The following B3GLCT variants were observed in gnomAD, a reference collection of about 807,000 sequenced individuals.
The protein encoded by B3GLCT is beta-1,3-glucosyltransferase.
B3GLCT carries 65 observed loss-of-function variants against 63.4 expected under a neutral mutation model. The observed-to-expected ratio is 1.03, with a 90% CI of 0.84 to 1.26. The LOEUF is 1.26. Ranked by LOEUF, B3GLCT falls within the 50% of genes most tolerant of loss-of-function variation. The pLI, the probability that B3GLCT is intolerant of heterozygous loss-of-function variation, is 0.00. For synonymous variants in B3GLCT, 233 were observed against 219.2 expected, an observed-to-expected ratio of 1.06 and a Z score of -0.55; for missense variants, 577 against 604.8, an observed-to-expected ratio of 0.95 and a Z score of 0.48.
intron 4 of B3GLCT, among the ~76,000 whole-genome samples, chr13:31,235,849 C>T (rs976275609): frequency 3.2e-4 from 49 of 152,260 alleles, no homozygotes; most frequent in African/African-American, 1.2e-3. Context: ...CCCTGGCTAC[C>T]ACCATTCTAC....
Position 31,288,881 on chromosome 13 carries a change from G to C in B3GLCT, c.1064+2062G>C, listed in dbSNP as rs531975786. On this transcript the variant is annotated intron_variant, in intron 12 of 14. Coordinates refer to ENST00000343307, the MANE Select transcript of B3GLCT (RefSeq NM_194318.4). The stretch of plus-strand genomic sequence containing the variant: ...GTAAAGGACCACAACAATTTTCTGG[G>C]AACAGATCCCAATCAGTAAGAATTC... Among the ~76,000 whole-genome samples, 6 of 152,064 alleles carry C rather than the reference G, an allele frequency of 3.9e-5. No homozygotes were observed. The South Asian group carries it at 1.2e-3, about 32-fold the overall frequency.
At chr13:31,302,169 G>A (rs796139762) in intron 12 of B3GLCT, among the ~76,000 whole-genome samples, 14 of 152,276 alleles carry the variant, frequency 9.2e-5, no homozygotes, top group African/African-American at 3.1e-4. Context: ...ATTTGATAAG[G>A]CTTCTGGAAC....
At chr13:31,290,759 A>G (rs986108246) in intron 12 of B3GLCT, among the ~76,000 whole-genome samples, 21 of 152,308 alleles carry the variant, frequency 1.4e-4, no homozygotes, top group African/African-American at 5.1e-4. Flanking sequence ...TCTGGATATT[A>G]GCTCTTTGTC....
intron 4 of B3GLCT, among the ~76,000 whole-genome samples, chr13:31,235,466 G>A (rs558767099): frequency 4.6e-5 from 7 of 152,166 alleles, no homozygotes; most frequent in East Asian, 1.9e-4. Context: ...AGGGCCATAC[G>A]AAGGGATACA....
At chr13:31,274,393 G>A (rs764585698) in intron 8 of B3GLCT, 116 bp from the exon 9 acceptor site, 58 of 1,355,296 alleles carry the variant, frequency 4.3e-5, no homozygotes, top group Non-Finnish European at 5.8e-5. Flanking sequence ...AATTGATATG[G>A]TTCAGCCTAC....
chr13:31,267,217 T>C lies in B3GLCT; in HGVS notation c.597-1997T>C, dbSNP rs17075732. Among the ~76,000 whole-genome samples the C allele has an allele frequency of 4.4e-3, 665 of 152,388 alleles. 4 individuals carry two copies. The highest frequency in any genetic ancestry group is 0.015 in the African/African-American group (632 of 41,598). ...GTACTAAGGTGTTTACTGACTGTTA[T>C]GAAGGGGCCTATGAAACATTGCCAT... On this transcript the variant is annotated intron_variant, in intron 7 of 14. Transcript: ENST00000343307.
chr13:31,323,680 G>C, intron 13 of B3GLCT, 71 bp from the exon 14 acceptor site: 1 of 1,572,376 alleles, frequency 6.4e-7, no homozygotes. Flanking sequence ...CCTGTTTCCC[G>C]GGGCCCATTT....
chr13:31,228,396 T>C (rs960312912), intron 3 of B3GLCT, among the ~76,000 whole-genome samples: 10 of 152,218 alleles, frequency 6.6e-5, no homozygotes, highest in Non-Finnish European at 1.5e-4. Flanking sequence ...GAGCTAGGAC[T>C]ACATAACAAA....
chr13:31,257,363 A>G (rs1871794218), intron 6 of B3GLCT, among the ~76,000 whole-genome samples: 2 of 152,032 alleles, frequency 1.3e-5, no homozygotes, highest in Non-Finnish European at 2.9e-5. Flanking sequence ...GAGCTTTATT[A>G]TAGATTTTTT....
intron 1 of B3GLCT, among the ~76,000 whole-genome samples, chr13:31,205,402 C>CA (rs1241511515): frequency 1.3e-5 from 2 of 151,578 alleles, no homozygotes; most frequent in African/African-American, 2.4e-5. Context: ...ACTAAAAATA[C>CA]AAAAAAATTA....
At chr13:31,215,796 C>T (rs569352917) in intron 2 of B3GLCT, among the ~76,000 whole-genome samples, 2 of 152,206 alleles carry the variant, frequency 1.3e-5, no homozygotes, top group African/African-American at 4.8e-5. Flanking sequence ...GTCACAGAAA[C>T]CTGATTAGTC....
chr13:31,257,784 A>G (rs552107309), intron 6 of B3GLCT, among the ~76,000 whole-genome samples: 1 of 152,294 alleles, frequency 6.6e-6, no homozygotes, highest in South Asian at 2.1e-4. Context: ...TTCATATTGT[A>G]TGCTCTAGTT....
intron 10 of B3GLCT, among the ~76,000 whole-genome samples, chr13:31,277,127 A>G (rs1457429294): frequency 1.3e-5 from 2 of 152,218 alleles, no homozygotes; most frequent in East Asian, 3.8e-4. Flanking sequence ...GGGATGAAGA[A>G]TGTCAGGGGA....
At chr13:31,290,097 T>A (rs1428717484) in intron 12 of B3GLCT, among the ~76,000 whole-genome samples, 4 of 152,198 alleles carry the variant, frequency 2.6e-5, no homozygotes, top group African/African-American at 4.8e-5. Flanking sequence ...AACTCCCACT[T>A]ATGACTGAGA....
At chr13:31,318,281 T>C (rs1253878310) in intron 13 of B3GLCT, among the ~76,000 whole-genome samples, 2 of 152,200 alleles carry the variant, frequency 1.3e-5, no homozygotes, top group African/African-American at 4.8e-5. Context: ...CAAAATCTTA[T>C]CAACGGTAGT....
At chr13:31,254,894 G>A (rs2137819672) in intron 6 of B3GLCT, among the ~76,000 whole-genome samples, 1 of 152,126 alleles carries the variant, frequency 6.6e-6, no homozygotes, top group African/African-American at 2.4e-5. Flanking sequence ...AAAATTAGCT[G>A]GGCATAGTGG....
At chr13:31,267,703 T>G (rs1370362514) in intron 7 of B3GLCT, among the ~76,000 whole-genome samples, 1 of 152,214 alleles carries the variant, frequency 6.6e-6, no homozygotes, top group Non-Finnish European at 1.5e-5. Flanking sequence ...ACATTTATCC[T>G]GTGTCTGCTT....
chr13:31,271,721 C>T (rs1872580768), intron 8 of B3GLCT, among the ~76,000 whole-genome samples: 1 of 152,140 alleles, frequency 6.6e-6, no homozygotes, highest in Non-Finnish European at 1.5e-5. Context: ...TTCTTCTTTA[C>T]TTCATTGCTT....
At chr13:31,248,764 G>T (rs182038032) in intron 6 of B3GLCT, among the ~76,000 whole-genome samples, 3 of 152,304 alleles carry the variant, frequency 2.0e-5, no homozygotes, top group Admixed American at 2.0e-4. Context: ...GATTTTGTTT[G>T]CCTTGAAATC....
Sources: gnomAD v4.1 joint callset for allele counts (sites outside exome capture counted in the v4.1 genomes callset) on GRCh38, gnomAD v4.1.1 for gene constraint, MANE v1.5 for transcripts, NCBI Gene and HGNC (gene_info 2026-07-23, HGNC 2026-07-21) for gene names.